The following ANKRD36C variants were observed in gnomAD, a reference collection of about 807,000 sequenced individuals.
ANKRD36C encodes ankyrin repeat domain-containing protein 36C.
A neutral mutation model predicts 276.4 loss-of-function variants in ANKRD36C; 61 were observed. That is an observed-to-expected ratio of 0.22 (90% CI 0.18 to 0.27). The LOEUF (loss-of-function observed/expected upper bound fraction) is 0.27, where lower values mean the gene tolerates loss of function less well. Among genes scored for constraint, ANKRD36C ranks in the 10% least tolerant of loss-of-function variants. The pLI is 1.00. For missense variants in ANKRD36C, 1,447 were observed against 2,032.3 expected (o/e 0.71, Z 5.54); for synonymous variants, 483 against 680.1 (o/e 0.71, Z 4.51).
chr2:95,973,024 T>A (rs997484824), intron 6 of ANKRD36C, among the ~76,000 whole-genome samples: 23 of 151,818 alleles, frequency 1.5e-4, no homozygotes, highest in African/African-American at 5.6e-4. Flanking sequence ...GCAGGAAGAT[T>A]GCTTGAGATC....
chr2:95,980,930 G>T, intron 4 of ANKRD36C, 145 bp from the exon 5 acceptor site: 5 of 1,257,966 alleles, frequency 4.0e-6, no homozygotes, highest in East Asian at 2.6e-5. Flanking sequence ...GTGCTCAAGG[G>T]TATATCTTTG....
At chr2:95,849,785 G>A (rs529320105), downstream of ANKRD36C, among the ~76,000 whole-genome samples, 48 of 152,326 alleles carry the variant, frequency 3.2e-4, no homozygotes, top group Non-Finnish European at 4.6e-4. Flanking sequence ...TTTCACTCCT[G>A]TGAGAATCTA....
intron 61 of ANKRD36C, among the ~76,000 whole-genome samples, 166 bp downstream of exon 81, chr2:95,859,695 A>G (rs985859684): frequency 6.6e-6 from 1 of 152,206 alleles, no homozygotes. Flanking sequence ...AAGTATCACA[A>G]TTAAGAACTT....
chr2:95,908,612 G>C (rs766522289), intron 42 of ANKRD36C, 38 bp from the exon 48 acceptor site: 2 of 1,563,086 alleles, frequency 1.3e-6, no homozygotes, highest in Non-Finnish European at 1.7e-6. Context: ...AATTAATAAA[G>C]TATGTTTCAT....
chr2:95,980,684 A>T (rs1425643033), exon 5 of ANKRD36C: 1 of 1,612,772 alleles, frequency 6.2e-7, no homozygotes, highest in African/African-American at 1.3e-5. Context: ...ATCTTCTGCA[A>T]GCTTTCCATA....
Position 95,938,907 on chromosome 2 carries a change from T to A in ANKRD36C, c.1561-6A>T. The A allele has an allele frequency of 1.3e-6, 2 of 1,537,686 alleles. No individual in the cohort carries two copies. The highest frequency in any genetic ancestry group is 1.7e-6 in the Non-Finnish European group (2 of 1,146,876). On this transcript the variant is annotated splice_polypyrimidine_tract_variant and splice_region_variant and intron_variant, in intron 21 of 66. Transcript: ENST00000456556. The stretch of plus-strand genomic sequence containing the variant: ...TCACTGTCTTTCACCGTATGCTGAA[T>A]GGGTTTGACAACATAATGATTAACA...
intron 44 of ANKRD36C, among the ~76,000 whole-genome samples, chr2:95,892,313 G>A (rs1363736057): frequency 2.6e-5 from 4 of 151,448 alleles, no homozygotes; most frequent in African/African-American, 9.7e-5. Context: ...TTAATGAGAA[G>A]GCACACAATT....
At chr2:95,931,902 C>T (rs1484603834) in intron 24 of ANKRD36C, among the ~76,000 whole-genome samples, 6 of 149,660 alleles carry the variant, frequency 4.0e-5, no homozygotes, top group Non-Finnish European at 6.0e-5. Flanking sequence ...TATGGCTTTA[C>T]GGGGTGTTTC....
chr2:95,946,140 A>C (rs1205038893), intron 17 of ANKRD36C, among the ~76,000 whole-genome samples: 2 of 135,920 alleles, frequency 1.5e-5, no homozygotes, highest in Middle Eastern at 6.5e-3. Flanking sequence ...AAACAGAGAG[A>C]GAGAGACAGA....
intron 46 of ANKRD36C, among the ~76,000 whole-genome samples, chr2:95,891,247 C>A (rs181463428): frequency 6.6e-6 from 1 of 150,848 alleles, no homozygotes; most frequent in East Asian, 2.0e-4. Context: ...CCAGGGGTCT[C>A]CTTAGTTCTC....
chr2:95,862,444 G>A (rs538108439), intron 60 of ANKRD36C, among the ~76,000 whole-genome samples: 22 of 151,626 alleles, frequency 1.5e-4, no homozygotes, highest in African/African-American at 4.8e-4. Flanking sequence ...GGGTCAAACA[G>A]GTAATGAAAA....
At chr2:95,980,832 G>T (rs60400346) in intron 4 of ANKRD36C, 47 bp from the exon 5 acceptor site, 53,904 of 1,543,056 alleles carry the variant, frequency 0.035, 1,090 homozygotes, top group Non-Finnish European at 0.038. Flanking sequence ...CATTTTAAAA[G>T]CTTAGTTTAT....
Position 95,880,554 on chromosome 2 carries a change from A to T in ANKRD36C, c.3396+41T>A, listed in dbSNP as rs1251655852. The T allele has an allele frequency of 5.2e-6, 8 of 1,532,494 alleles. No homozygotes were observed. In the East Asian group the frequency reaches 1.7e-4, roughly 33 times the overall value. 94.9% of individuals were successfully genotyped at this position (1,532,494 alleles called of 1,614,324 possible). ...CACATGATGTATATTGGTATAGGTT[A>T]TGCAGTTAATAATTAAAAATATAAA... On this transcript the variant is annotated intron_variant, in intron 57 of 66. Transcript: ENST00000456556.
intron 6 of ANKRD36C, among the ~76,000 whole-genome samples, chr2:95,964,001 ATATATATATATATGTG>A (rs1207128573): frequency 0.031 from 704 of 22,742 alleles, 11 homozygotes; most frequent in East Asian, 0.054. Context: ...ATATATATAT[ATATATATATATATGTG>A]TGTGTGTGTC....
intron 44 of ANKRD36C, among the ~76,000 whole-genome samples, chr2:95,896,286 T>G (rs1386263755): frequency 6.7e-6 from 1 of 149,732 alleles, no homozygotes; most frequent in Non-Finnish European, 1.5e-5. Flanking sequence ...AATAAAAATA[T>G]CATCAATTGT....
intron 44 of ANKRD36C, among the ~76,000 whole-genome samples, 177 bp from the exon 65 acceptor site, chr2:95,892,037 T>C (rs760815333): frequency 2.6e-5 from 4 of 151,560 alleles, no homozygotes; most frequent in Non-Finnish European, 5.9e-5. Context: ...GAAAAGGGAA[T>C]ACAGGCTCCA....
At position 95,979,810 on chromosome 2, in the gene ANKRD36C, G is replaced by A. The variant is rs1678880740; in HGVS notation, c.731+838C>T. On this transcript the variant is annotated intron_variant, in intron 5 of 66. Transcript: ENST00000456556. The stretch of plus-strand genomic sequence containing the variant: ...GACACAAAAAATAACTCACCATGAA[G>A]GTCTAGAAGCCCAGGTTAAAATGTG... Among the ~76,000 whole-genome samples, 3 of 151,984 alleles carry A rather than the reference G, an allele frequency of 2.0e-5. No homozygotes were observed. The South Asian group carries it at 6.2e-4, about 31-fold the overall frequency.
rs942121334 is a variant in ANKRD36C, at chr2:95,973,361, A to G, written c.799+4761T>C. 2.4e-4 allele frequency among the ~76,000 whole-genome samples: 37 copies of G among 151,810 alleles called. 2 individuals are homozygous for G. The East Asian group carries it at 4.7e-3, about 19-fold the overall frequency. The stretch of plus-strand genomic sequence containing the variant: ...CAGGAGGCAGAGTTTGCAGTGAGCC[A>G]AGATTGTGCCACCGCACTCCAGCCT... On this transcript the variant is annotated intron_variant, in intron 6 of 66. Transcript: ENST00000456556.
chr2:95,910,642 A>C, intron 42 of ANKRD36C, 74 bp from the exon 45 acceptor site: 3 of 1,596,428 alleles, frequency 1.9e-6, no homozygotes, highest in Non-Finnish European at 2.6e-6. Context: ...ATGCAGCGTT[A>C]GCATCAAACT....
Sources: gnomAD v4.1 joint callset for allele counts (sites outside exome capture counted in the v4.1 genomes callset) on GRCh38, gnomAD v4.1.1 for gene constraint, MANE v1.5 for transcripts, NCBI Gene and HGNC (gene_info 2026-07-23, HGNC 2026-07-21) for gene names.